The following TADA3 variants were observed in gnomAD, a reference collection of about 807,000 sequenced individuals.
TADA3 encodes transcriptional adapter 3.
Under a neutral mutation model 43.2 loss-of-function variants are expected in TADA3, and 25 were observed. The ratio of observed to expected loss-of-function variants is 0.58; its 90% confidence interval spans 0.42 to 0.81. The LOEUF (loss-of-function observed/expected upper bound fraction) is 0.81, where lower values mean the gene tolerates loss of function less well. Ranked by LOEUF, TADA3 falls within the 30% of genes least tolerant of loss-of-function variation. The probability of loss-of-function intolerance (pLI) is 0.00; values close to 1 mark genes in which losing one functional copy is unlikely to be tolerated. For synonymous variants in TADA3, 235 were observed against 225.5 expected (o/e 1.04, Z -0.38); for missense variants, 441 against 567.8 (o/e 0.78, Z 2.27).
chr3:9,786,097 C>G (rs1264313668), intron 6 of TADA3, among the ~76,000 whole-genome samples: 1 of 152,148 alleles, frequency 6.6e-6, no homozygotes. Context: ...TGCCACTATG[C>G]CCGGCTAATT....
Position 9,784,673 on chromosome 3 carries a change from C to T in TADA3, c.921-460G>A, listed in dbSNP as rs540996142. 2.2e-3 allele frequency among the ~76,000 whole-genome samples: 335 copies of T among 151,710 alleles called. 2 individuals carry two copies. Among genetic ancestry groups the T allele is most frequent in the Middle Eastern group, 3.4e-3 (1 of 294 alleles). Reference sequence around the variant, plus strand: ...TGAGGTCAGGAGTTCAAGACCAGCCCGGCCAAGATGGTGAAACCCCGTCTC... The same window carrying T: ...TGAGGTCAGGAGTTCAAGACCAGCCTGGCCAAGATGGTGAAACCCCGTCTC... On this transcript the variant is annotated intron_variant, in intron 7 of 8. Transcript: ENST00000301964.
chr3:9,791,299 A>G lies in TADA3; in HGVS notation c.168T>C (p.Ser56=). ...CAAGCACACGCAGGCGCCGGCTGGC[A>G]GAAGACAGCAGGGTCTCCAGCTCCA... ...LQLELETLLS[S]ASRRLRVLEA... Residue 56 remains serine, a synonymous_variant, in exon 2 of 9, where the codon TCT becomes TCC. Coordinates refer to ENST00000301964, the MANE Select transcript of TADA3 (RefSeq NM_006354.5). 5.6e-6 allele frequency: 9 copies of G among 1,613,776 alleles called. No individual in the cohort carries two copies. The highest frequency in any genetic ancestry group is 7.6e-6 in the Non-Finnish European group (9 of 1,180,034).
chr3:9,785,220 C>G, intron 7 of TADA3, 96 bp downstream of exon 7: 1 of 925,194 alleles, frequency 1.1e-6, no homozygotes, highest in Non-Finnish European at 1.7e-6. Flanking sequence ...TAACTGCCCC[C>G]AGCCTCTTAC....
chr3:9,787,884 C>G (rs2078653298), intron 4 of TADA3: 1 of 408,582 alleles, frequency 2.4e-6, no homozygotes, highest in South Asian at 2.0e-5. Context: ...TGAGTCAAGT[C>G]TGTCAAGGAG....
At chr3:9,791,219 G>A (rs1359171175) in intron 2 of TADA3, 41 bp downstream of exon 2, 2 of 1,575,380 alleles carry the variant, frequency 1.3e-6, no homozygotes, top group East Asian at 4.5e-5. Flanking sequence ...ATAACTTGTT[G>A]CAGTCCATCT....
chr3:9,786,122 G>C (rs1465440289), intron 6 of TADA3, among the ~76,000 whole-genome samples: 1 of 152,114 alleles, frequency 6.6e-6, no homozygotes, highest in Non-Finnish European at 1.5e-5. Flanking sequence ...TGTATTTTTA[G>C]TAGAGACGGG....
In TADA3 at chr3:9,789,863, T is replaced by C; in HGVS notation, c.308A>G (p.Lys103Arg). 6.2e-7 allele frequency: 1 copy of C among 1,614,290 alleles called. No individual in the cohort carries two copies. The highest frequency in any genetic ancestry group is 8.5e-7 in the Non-Finnish European group (1 of 1,180,048). Reference protein sequence around the residue: ...GAPPKHGKPKKQKLEGKAGHG... With the variant: ...GAPPKHGKPKRQKLEGKAGHG... ...TCCTGCCTTCCCTTCCAGTTTCTGC[T>C]TCTTGGGCTTCCCATGTTTGGGGGG... Residue 103 changes from lysine to arginine, a missense_variant, in exon 3 of 9, where the codon AAG (lysine) becomes AGG (arginine). Physicochemically the swap from Lys to Arg is conservative, Grantham distance 26. Coordinates refer to ENST00000301964, the MANE Select transcript of TADA3 (RefSeq NM_006354.5).
chr3:9,783,143 C>A (rs1377601441), intron 8 of TADA3: 1 of 152,128 alleles, frequency 6.6e-6, no homozygotes, highest in Non-Finnish European at 1.5e-5. Flanking sequence ...GGAGAATATA[C>A]TGATGTTTAT....
intron 7 of TADA3, 129 bp from the exon 8 acceptor site, chr3:9,784,342 C>T (rs951030573): frequency 2.5e-6 from 3 of 1,218,182 alleles, no homozygotes; most frequent in African/African-American, 1.5e-5. Flanking sequence ...CTGTATCTAT[C>T]CAGATACAAA....
At chr3:9,783,265 A>G (rs1423719603) in intron 8 of TADA3, 1 of 152,218 alleles carries the variant, frequency 6.6e-6, no homozygotes, top group Non-Finnish European at 1.5e-5. Context: ...AACAATGTGA[A>G]TATGGGTAAC....
chr3:9,789,810 G>C lies in TADA3; in HGVS notation c.361C>G (p.Pro121Ala). ...TTGGGCTGAAGGTTTTTGGATTTGG[G>C]CCGTCCTGGGCCAGGGCCCGGCCCA... is the stretch of plus-strand genomic sequence containing the variant. ...GHGPGPGPGR[P>A]KSKNLQPKIQ... Residue 121 changes from proline (P) to alanine (A), a missense_variant, in exon 3 of 9, where the codon CCC (proline) becomes GCC (alanine). Physicochemically the swap from Pro to Ala is conservative, Grantham distance 27 (BLOSUM62 -1). Transcript: ENST00000301964. 6.2e-7 allele frequency: 1 copy of C among 1,614,198 alleles called. No homozygotes were observed. Among genetic ancestry groups the C allele is most frequent in the Non-Finnish European group, 8.5e-7 (1 of 1,180,030 alleles).
intron 7 of TADA3, among the ~76,000 whole-genome samples, chr3:9,784,589 G>A (rs946652358): frequency 6.6e-6 from 1 of 151,994 alleles, no homozygotes; most frequent in African/African-American, 2.4e-5. Flanking sequence ...AGTAAGCCAG[G>A]CATGGTGGCT....
chr3:9,792,570 G>C (rs1009762332), upstream of TADA3: 1 of 1,228,810 alleles, frequency 8.1e-7, no homozygotes, highest in Non-Finnish European at 1.0e-6. Context: ...GGTGGGCCTC[G>C]AGCAAAGCCG....
At chr3:9,792,580 G>C, upstream of TADA3, 1 of 1,229,386 alleles carries the variant, frequency 8.1e-7, no homozygotes, top group Non-Finnish European at 1.0e-6. Context: ...GAGCAAAGCC[G>C]CTAGAGGTGG....
chr3:9,784,299 G>A, intron 7 of TADA3, 86 bp from the exon 8 acceptor site: 1 of 1,488,424 alleles, frequency 6.7e-7, no homozygotes, highest in Non-Finnish European at 9.0e-7. Flanking sequence ...CCCAAGGTCA[G>A]TGAAAACCTG....
intron 5 of TADA3, 22 bp from the exon 6 acceptor site, chr3:9,787,131 G>C (rs1424805157): frequency 1.9e-6 from 3 of 1,614,086 alleles, no homozygotes; most frequent in Non-Finnish European, 2.5e-6. Context: ...CAGGAAAGGA[G>C]GGGAGGTGGG....
chr3:9,786,040 G>A (rs2078600795), intron 6 of TADA3, among the ~76,000 whole-genome samples: 1 of 151,924 alleles, frequency 6.6e-6, no homozygotes, highest in African/African-American at 2.4e-5. Context: ...CTGGGTTCAT[G>A]CCATTCTCCT....
Position 9,787,302 on chromosome 3 carries a change from G to T in TADA3, c.603C>A (p.Ala201=). ...PLGKHYSQRW[A]QEDLLEEQKD... is the part of the protein sequence containing the mutation. ...TCTGCTCCTCCAGCAGGTCCTCCTG[G>T]GCCCAGCGCTGGGAGTAGTGCTTCC... Residue 201 remains alanine, a synonymous_variant, in exon 5 of 9, where the codon GCC becomes GCA. Coordinates refer to ENST00000301964, the MANE Select transcript of TADA3 (RefSeq NM_006354.5). 1 of 1,613,948 alleles carries T rather than the reference G, an allele frequency of 6.2e-7. No homozygotes were observed. The highest frequency in any genetic ancestry group is 8.5e-7 in the Non-Finnish European group (1 of 1,179,942).
intron 8 of TADA3, among the ~76,000 whole-genome samples, chr3:9,781,209 A>G (rs1048560485): frequency 1.3e-5 from 2 of 151,924 alleles, no homozygotes; most frequent in Admixed American, 1.3e-4. Context: ...GCTTTGGGAG[A>G]TGGAGGCAGG....
Sources: allele counts gnomAD v4.1 joint callset (sites outside exome capture counted in the v4.1 genomes callset), GRCh38; gene constraint gnomAD v4.1.1; transcripts MANE v1.5; gene names NCBI Gene and HGNC (gene_info 2026-07-23, HGNC 2026-07-21).